Variants in NMNAT1 observed in about 807,000 individuals in gnomAD.
NMNAT1 encodes the protein nicotinamide nucleotide adenylyltransferase 1.
NMNAT1 carries 11 observed loss-of-function variants against 16.7 expected under a neutral mutation model. That is an observed-to-expected ratio of 0.66 (90% CI 0.41 to 1.09). The LOEUF is 1.09. Ranked by LOEUF, NMNAT1 falls within the 50% of genes least tolerant of loss-of-function variation. The pLI is 0.00. For missense variants in NMNAT1, 280 were observed against 332.3 expected (o/e 0.84, Z 1.22); for synonymous variants, 110 against 119.8 (o/e 0.92, Z 0.53).
At chr1:9,996,826 C>A in the NMNAT1 span, among the ~76,000 whole-genome samples, 1 of 152,184 alleles carries the variant, frequency 6.6e-6, no homozygotes, top group Non-Finnish European at 1.5e-5. Flanking sequence ...TGCGAATCAT[C>A]ACCAGCAATC....
intron 1 of NMNAT1, chr1:9,952,395 C>A (rs1641137561): frequency 6.6e-6 from 1 of 152,092 alleles, no homozygotes; most frequent in Non-Finnish European, 1.5e-5. Flanking sequence ...CTGAAGGATC[C>A]CACACCAAAT....
At chr1:9,956,289 C>A (rs149959885) in intron 1 of NMNAT1, among the ~76,000 whole-genome samples, 6 of 151,934 alleles carry the variant, frequency 3.9e-5, no homozygotes, top group African/African-American at 1.4e-4. Context: ...TGGGCCTCTG[C>A]CTTCCCAGTA....
At chr1:9,978,812 G>A (rs2101708654) in intron 3 of NMNAT1, among the ~76,000 whole-genome samples, 1 of 152,260 alleles carries the variant, frequency 6.6e-6, no homozygotes. Context: ...GAAAACAGTG[G>A]GCACCCTGCT....
downstream of NMNAT1, among the ~76,000 whole-genome samples, chr1:9,990,419 C>CAAAG (rs1642095049): frequency 6.6e-6 from 1 of 152,170 alleles, no homozygotes; most frequent in Non-Finnish European, 1.5e-5. Context: ...CTGTTAAAAT[C>CAAAG]AAAGAAACAT....
the NMNAT1 span, among the ~76,000 whole-genome samples, chr1:9,991,288 C>A: frequency 3.3e-5 from 5 of 151,352 alleles, no homozygotes; most frequent in East Asian, 9.7e-4. Flanking sequence ...CGGGTTCAAG[C>A]AATTCTCTTG....
At chr1:9,959,555 C>CTT in intron 1 of NMNAT1, among the ~76,000 whole-genome samples, 1 of 151,852 alleles carries the variant, frequency 6.6e-6, no homozygotes, top group Admixed American at 6.6e-5. Flanking sequence ...GTGGCATGCG[C>CTT]CTGTAATCCC....
At chr1:9,976,271 A>C (rs1641811442) in intron 3 of NMNAT1, among the ~76,000 whole-genome samples, 1 of 144,790 alleles carries the variant, frequency 6.9e-6, no homozygotes, top group Non-Finnish European at 1.5e-5. Context: ...TGGGTGACAG[A>C]GCGAGACTCC....
upstream of NMNAT1, chr1:9,943,128 A>C (rs1570663498): frequency 5.9e-6 from 1 of 170,462 alleles, no homozygotes. Context: ...AGCAAATCCC[A>C]CCCCACGCGG....
chr1:9,944,115 G>A (rs959442359), intron 1 of NMNAT1, among the ~76,000 whole-genome samples: 1 of 152,038 alleles, frequency 6.6e-6, no homozygotes, highest in Non-Finnish European at 1.5e-5. Context: ...TTAGCTGGGC[G>A]TGGTGGTGGG....
At chr1:9,996,407 T>C in the NMNAT1 span, among the ~76,000 whole-genome samples, 4 of 151,794 alleles carry the variant, frequency 2.6e-5, no homozygotes, top group South Asian at 6.2e-4. Context: ...AGCCAGCATA[T>C]CTAGGCGGTG....
intron 1 of NMNAT1, among the ~76,000 whole-genome samples, chr1:9,967,092 C>T (rs993794605): frequency 6.6e-6 from 1 of 151,946 alleles, no homozygotes; most frequent in South Asian, 2.1e-4. Flanking sequence ...GGCATGTTGG[C>T]AGGCATCTAT....
Position 9,984,804 on chromosome 1 carries a change from A to G in NMNAT1, c.*2103A>G, listed in dbSNP as rs1023218006. On this transcript the variant is annotated 3_prime_UTR_variant, in exon 5 of 5. Coordinates refer to ENST00000377205, the MANE Select transcript of NMNAT1 (RefSeq NM_022787.4). ...TCGGATGATGGAGAGCCTTTGTGGT[A>G]GTGTTTGCTTATGTGAACAGCAGGC... The G allele has an allele frequency of 1.3e-4, 20 of 152,152 alleles. No individual in the cohort carries two copies. Among genetic ancestry groups the G allele is most frequent in the African/African-American group, 4.8e-4 (20 of 41,426 alleles). 9.4% of individuals were successfully genotyped at this position (152,152 alleles called of 1,614,324 possible).
intron 1 of NMNAT1, among the ~76,000 whole-genome samples, chr1:9,971,674 A>C (rs914837846): frequency 4.6e-5 from 7 of 152,052 alleles, no homozygotes; most frequent in African/African-American, 1.4e-4. Context: ...CAAAAGACCT[A>C]TAACTGGGCT....
At chr1:9,979,666 G>T (rs1457420529) in intron 3 of NMNAT1, among the ~76,000 whole-genome samples, 1 of 151,802 alleles carries the variant, frequency 6.6e-6, no homozygotes, top group Non-Finnish European at 1.5e-5. Context: ...GCCGGGCGTG[G>T]TGGTGGGCGC....
At chr1:9,994,101 CTTTTTTTTTTTTTTT>C in the NMNAT1 span, among the ~76,000 whole-genome samples, 43 of 106,162 alleles carry the variant, frequency 4.1e-4, no homozygotes, top group Admixed American at 4.9e-4. Flanking sequence ...CAAATGTTAG[CTTTTTTTTTTTTTTT>C]TTTTTTTTTT....
At position 9,973,306 on chromosome 1, in the gene NMNAT1, C is replaced by T. The variant is rs572586328; in HGVS notation, c.115+1118C>T. Among the ~76,000 whole-genome samples the T allele has an allele frequency of 3.9e-5, 6 of 152,082 alleles. No homozygotes were observed. In the South Asian group the frequency reaches 1.0e-3, roughly 26 times the overall value. On this transcript the variant is annotated intron_variant, in intron 2 of 4. Coordinates refer to ENST00000377205, the MANE Select transcript of NMNAT1 (RefSeq NM_022787.4). ...TAATTTTTTATATTTTTAGTAGCGA[C>T]GGGGTTTCTCCATGTTGGTCAGGCT...
chr1:9,972,101 G>A lies in NMNAT1; in HGVS notation c.28G>A (p.Val10Ile), dbSNP rs746522578. Residue 10 changes from valine to isoleucine, a missense_variant, in exon 2 of 5, where the codon GTT (valine) becomes ATT (isoleucine). Val to Ile is a conservative substitution (Grantham distance 29). Coordinates refer to ENST00000377205, the MANE Select transcript of NMNAT1 (RefSeq NM_022787.4). Reference protein sequence around the residue: MENSEKTEVVLLACGSFNPI... With the variant: MENSEKTEVILLACGSFNPI... ...GGAAAATTCCGAGAAGACTGAAGTG[G>A]TTCTCCTTGCTTGTGGTTCATTCAA... 7 of 1,611,204 alleles carry A rather than the reference G, an allele frequency of 4.3e-6. No individual in the cohort carries two copies. Among genetic ancestry groups the A allele is most frequent in the Non-Finnish European group, 5.9e-6 (7 of 1,177,582 alleles).
At chr1:9,950,562 C>A (rs991586790) in intron 1 of NMNAT1, 2 of 152,264 alleles carry the variant, frequency 1.3e-5, no homozygotes, top group South Asian at 2.1e-4. Flanking sequence ...AAAAACAGGA[C>A]CCAGATGGCT....
chr1:9,995,243 A>T, the NMNAT1 span, among the ~76,000 whole-genome samples: 86 of 152,238 alleles, frequency 5.6e-4, 3 homozygotes, highest in East Asian at 0.013. Flanking sequence ...ATAAAAAATT[A>T]AAAAAATTAG....
Sources: gnomAD v4.1 joint callset for allele counts (sites outside exome capture counted in the v4.1 genomes callset) on GRCh38, gnomAD v4.1.1 for gene constraint, MANE v1.5 for transcripts, NCBI Gene and HGNC (gene_info 2026-07-23, HGNC 2026-07-21) for gene names.